The following CENPK variants were observed in gnomAD, a reference collection of about 807,000 sequenced individuals.
CENPK encodes SoxLZ/Sox6-binding protein Solt.
A neutral mutation model predicts 40.9 loss-of-function variants in CENPK; 46 were observed. The ratio of observed to expected loss-of-function variants is 1.13; its 90% CI spans 0.89 to 1.44. CENPK has a LOEUF of 1.44. CENPK is among the 40% of genes most tolerant of loss of function. The pLI, the probability that CENPK is intolerant of heterozygous loss-of-function variation, is 0.00. For synonymous variants in CENPK, 107 were observed against 104.4 expected, an observed-to-expected ratio of 1.02 and a Z score of -0.15; for missense variants, 288 against 303.5, an observed-to-expected ratio of 0.95 and a Z score of 0.38.
At position 65,561,464 on chromosome 5, in the gene CENPK, G is replaced by A. The variant is rs1013728629; in HGVS notation, c.-41C>T. On this transcript the variant is annotated splice_region_variant and 5_prime_UTR_variant, in exon 2 of 11. Coordinates refer to ENST00000396679, the MANE Select transcript of CENPK (RefSeq NM_022145.5). The stretch of plus-strand genomic sequence containing the variant: ...AACATTTAAGAGTTTGCTCTCTACC[G>A]CTTGAGGATGCAAGATGTAAGCTGT... 11 of 454,308 alleles carry A rather than the reference G, an allele frequency of 2.4e-5. No individual in the cohort carries two copies. The East Asian group carries it at 3.5e-4, about 14-fold the overall frequency. 28.1% of individuals were successfully genotyped at this position (454,308 alleles called of 1,614,324 possible).
chr5:65,521,286 C>T (rs1241541684), intron 10 of CENPK, among the ~76,000 whole-genome samples, 189 bp downstream of exon 10: 2 of 152,032 alleles, frequency 1.3e-5, no homozygotes, highest in African/African-American at 2.4e-5. Flanking sequence ...TAACAATATT[C>T]CTCTCAGTAC....
intron 5 of CENPK, among the ~76,000 whole-genome samples, chr5:65,545,324 GCACACACACACACA>G (rs869192025): frequency 0.048 from 3,093 of 64,308 alleles, 97 homozygotes; most frequent in Middle Eastern, 0.061. Flanking sequence ...CTCAAAGCGC[GCACACACACACACA>G]CACACACACA....
At chr5:65,536,194 G>C (rs1746865699) in intron 6 of CENPK, among the ~76,000 whole-genome samples, 1 of 152,210 alleles carries the variant, frequency 6.6e-6, no homozygotes. Flanking sequence ...GCCACTCTAA[G>C]CTACAGTTGC....
At chr5:65,558,203 T>C (rs1012543212) in intron 2 of CENPK, among the ~76,000 whole-genome samples, 13 of 152,074 alleles carry the variant, frequency 8.5e-5, no homozygotes, top group African/African-American at 2.7e-4. Context: ...GAAATACAGT[T>C]AGTAGCTGGA....
downstream of CENPK, among the ~76,000 whole-genome samples, chr5:65,514,228 A>ATATTTTTTT (rs199873665): frequency 9.7e-5 from 6 of 61,646 alleles, no homozygotes; most frequent in South Asian, 1.1e-3. Context: ...GCCTCACATA[A>ATATTTTTTT]TCTTTTTTTT....
At chr5:65,542,653 A>C (rs1748179691) in intron 6 of CENPK, 149 bp downstream of exon 6, 1 of 573,842 alleles carries the variant, frequency 1.7e-6, no homozygotes, top group Non-Finnish European at 2.9e-6. Context: ...AAAAAAATCA[A>C]ATATTATGTT....
intron 5 of CENPK, among the ~76,000 whole-genome samples, chr5:65,549,377 G>T (rs1218215782): frequency 6.6e-6 from 1 of 152,176 alleles, no homozygotes; most frequent in African/African-American, 2.4e-5. Context: ...AATGATAAAT[G>T]AGTGTTGGTT....
downstream of CENPK, among the ~76,000 whole-genome samples, chr5:65,514,228 A>ATATTTTTTTTTTTTTTTTTT (rs199873665): frequency 3.2e-5 from 2 of 61,648 alleles, no homozygotes; most frequent in Non-Finnish European, 6.1e-5. Context: ...GCCTCACATA[A>ATATTTTTTTTTTTTTTTTTT]TCTTTTTTTT....
chr5:65,496,378 T>G, the CENPK span, among the ~76,000 whole-genome samples: 4 of 152,190 alleles, frequency 2.6e-5, no homozygotes, highest in Non-Finnish European at 5.9e-5. Context: ...ACAACCTCAA[T>G]AGCCAATAAT....
intron 6 of CENPK, among the ~76,000 whole-genome samples, chr5:65,541,749 C>T (rs1748024932): frequency 6.6e-6 from 1 of 152,180 alleles, no homozygotes; most frequent in Non-Finnish European, 1.5e-5. Flanking sequence ...TAGGCCTTTG[C>T]ACTCATTTCA....
intron 6 of CENPK, among the ~76,000 whole-genome samples, chr5:65,540,667 C>A (rs1338680502): frequency 6.6e-6 from 1 of 152,128 alleles, no homozygotes; most frequent in Non-Finnish European, 1.5e-5. Flanking sequence ...CCCAAAAGAA[C>A]TGGGTTTGGG....
At chr5:65,547,696 G>A (rs192174493) in intron 5 of CENPK, among the ~76,000 whole-genome samples, 25 of 151,642 alleles carry the variant, frequency 1.6e-4, no homozygotes, top group African/African-American at 5.6e-4. Flanking sequence ...ATGGAGTCTC[G>A]CCCTGTTGCC....
intron 6 of CENPK, among the ~76,000 whole-genome samples, chr5:65,540,351 T>A (rs1466154652): frequency 6.6e-6 from 1 of 152,248 alleles, no homozygotes; most frequent in East Asian, 1.9e-4. Context: ...GCTCTCTGCC[T>A]CTTTATAATA....
At position 65,520,020 on chromosome 5, in the gene CENPK, T is replaced by G. The variant is rs936076049; in HGVS notation, c.652-1387A>C. Reference sequence around the variant, plus strand: ...TAATGCTAAGTTTTATATGCTGATATAGTTTAGGTGTGTCCCCTACCAAAT... The same window carrying G: ...TAATGCTAAGTTTTATATGCTGATAGAGTTTAGGTGTGTCCCCTACCAAAT... On this transcript the variant is annotated intron_variant, in intron 10 of 10. Coordinates refer to ENST00000396679, the MANE Select transcript of CENPK (RefSeq NM_022145.5). 1.4e-4 allele frequency among the ~76,000 whole-genome samples: 21 copies of G among 152,326 alleles called. No individual in the cohort carries two copies. In the Middle Eastern group the frequency reaches 0.01, roughly 74 times the overall value.
chr5:65,506,242 G>A, the CENPK span, among the ~76,000 whole-genome samples: 1 of 151,550 alleles, frequency 6.6e-6, no homozygotes, highest in African/African-American at 2.4e-5. Context: ...AAATTAGCAT[G>A]GTGGCAGGCA....
chr5:65,505,613 C>T, the CENPK span, among the ~76,000 whole-genome samples: 2 of 152,226 alleles, frequency 1.3e-5, no homozygotes, highest in Non-Finnish European at 2.9e-5. Flanking sequence ...TGCACTCCAG[C>T]CTGGGCGACA....
intron 5 of CENPK, among the ~76,000 whole-genome samples, chr5:65,548,301 T>C (rs543823843): frequency 3.9e-5 from 6 of 152,316 alleles, no homozygotes; most frequent in East Asian, 1.9e-4. Flanking sequence ...AAAATGTACA[T>C]ACCTTATTTT....
Position 65,518,394 on chromosome 5 carries a change from G to C in CENPK, c.*81C>G. The C allele has an allele frequency of 7.1e-7, 1 of 1,415,900 alleles. No homozygotes were observed. The highest frequency in any genetic ancestry group is 9.7e-7 in the Non-Finnish European group (1 of 1,031,766). 87.7% of individuals were successfully genotyped at this position (1,415,900 alleles called of 1,614,324 possible). A position where few individuals can be genotyped will look rare whatever the true frequency, so the allele number is the denominator to read the frequency against. On this transcript the variant is annotated 3_prime_UTR_variant, in exon 11 of 11. Coordinates refer to ENST00000396679, the MANE Select transcript of CENPK (RefSeq NM_022145.5). The stretch of plus-strand genomic sequence containing the variant: ...CTATGCGCATTAATTTGCAAATAAT[G>C]TTTTTTATCCAAATAGTCCTGTGGT...
At chr5:65,538,216 T>G (rs1237077105) in intron 6 of CENPK, among the ~76,000 whole-genome samples, 1 of 152,252 alleles carries the variant, frequency 6.6e-6, no homozygotes, top group Non-Finnish European at 1.5e-5. Context: ...GTTGGTTCCC[T>G]GAAGTGTCTC....
Sources: allele counts gnomAD v4.1 joint callset (sites outside exome capture counted in the v4.1 genomes callset), GRCh38; gene constraint gnomAD v4.1.1; transcripts MANE v1.5; gene names NCBI Gene and HGNC (gene_info 2026-07-23, HGNC 2026-07-21).